Variants in ST3GAL3 observed in about 807,000 individuals in gnomAD.
The protein encoded by ST3GAL3 is ST3 beta-galactoside alpha-2,3-sialyltransferase 3, also known as CMP-N-acetylneuraminate-beta-1,4-galactoside alpha-2,3-sialyltransferase.
Under a neutral mutation model 50.1 loss-of-function variants are expected in ST3GAL3, and 21 were observed. The ratio of observed to expected loss-of-function variants is 0.42; its 90% CI spans 0.30 to 0.60. The LOEUF (loss-of-function observed/expected upper bound fraction) is 0.60. Ranked by LOEUF, ST3GAL3 falls within the 20% of genes least tolerant of loss-of-function variation. The pLI is 0.19. For synonymous variants in ST3GAL3, 183 were observed against 190.0 expected, an observed-to-expected ratio of 0.96 and a Z score of 0.30; for missense variants, 353 against 489.4, an observed-to-expected ratio of 0.72 and a Z score of 2.63.
At chr1:43,851,731 T>G in intron 5 of ST3GAL3, 1 of 1,115,752 alleles carries the variant, frequency 9.0e-7, no homozygotes, top group Non-Finnish European at 1.3e-6. Context: ...CTGGCATTGC[T>G]ATTGCATGGG....
At chr1:43,838,711 G>T in intron 5 of ST3GAL3, 1 of 274,168 alleles carries the variant, frequency 3.6e-6, no homozygotes, top group Non-Finnish European at 7.3e-6. Context: ...AATAAAGCAG[G>T]GAACAAAGAG....
chr1:43,762,552 G>A (rs1032496793), intron 2 of ST3GAL3, among the ~76,000 whole-genome samples: 5 of 152,134 alleles, frequency 3.3e-5, no homozygotes, highest in Admixed American at 6.5e-5. Flanking sequence ...TTTATCTCCT[G>A]TGAAGGTTGT....
intron 2 of ST3GAL3, among the ~76,000 whole-genome samples, chr1:43,764,411 G>A (rs918590538): frequency 3.3e-5 from 5 of 151,994 alleles, no homozygotes; most frequent in East Asian, 1.9e-4. Flanking sequence ...GTAGAGTCGC[G>A]CAACACAATA....
chr1:43,854,204 C>T (rs1430739051), intron 5 of ST3GAL3, among the ~76,000 whole-genome samples: 1 of 152,196 alleles, frequency 6.6e-6, no homozygotes, highest in Admixed American at 6.5e-5. Context: ...ATACCCCTAC[C>T]AGGAATATGC....
At chr1:43,875,643 G>A (rs1222979942) in intron 5 of ST3GAL3, among the ~76,000 whole-genome samples, 1 of 151,896 alleles carries the variant, frequency 6.6e-6, no homozygotes, top group African/African-American at 2.4e-5. Flanking sequence ...ACTCTCTCCT[G>A]CCACCTTGTG....
chr1:43,806,030 G>A (rs1368509316), intron 3 of ST3GAL3, among the ~76,000 whole-genome samples: 3 of 152,028 alleles, frequency 2.0e-5, no homozygotes, highest in African/African-American at 7.2e-5. Context: ...CACCGTGCCC[G>A]GCAAGGAATA....
At chr1:43,859,193 A>G (rs1278294409) in intron 5 of ST3GAL3, among the ~76,000 whole-genome samples, 7 of 152,182 alleles carry the variant, frequency 4.6e-5, no homozygotes, top group African/African-American at 1.2e-4. Context: ...AGCATCACGA[A>G]AAAAGGCCTG....
chr1:43,828,097 C>A (rs2063061989), intron 4 of ST3GAL3, among the ~76,000 whole-genome samples: 1 of 152,110 alleles, frequency 6.6e-6, no homozygotes, highest in Non-Finnish European at 1.5e-5. Context: ...CATAAATTGA[C>A]CCACACAAAT....
rs576566227 is a variant in ST3GAL3, at chr1:43,744,824, C to T, written c.118+8444C>T. Among the ~76,000 whole-genome samples, 3 of 151,182 alleles carry T rather than the reference C, an allele frequency of 2.0e-5. No homozygotes were observed. The East Asian group carries it at 5.9e-4, about 30-fold the overall frequency. On this transcript the variant is annotated intron_variant, in intron 2 of 11. Coordinates refer to ENST00000347631, the MANE Select transcript of ST3GAL3 (RefSeq NM_006279.5). ...TTGAGACCGTGAAACCCCATCTCTA[C>T]TAATAATAATACAAAAATTAGCTTG... is the stretch of plus-strand genomic sequence containing the variant.
chr1:43,917,713 C>T (rs1293599267), intron 9 of ST3GAL3, among the ~76,000 whole-genome samples: 12 of 129,938 alleles, frequency 9.2e-5, no homozygotes, highest in Non-Finnish European at 1.6e-4. Flanking sequence ...CTGTCATTCA[C>T]GCTGGAGTAC....
At chr1:43,763,027 T>C (rs895577678) in intron 2 of ST3GAL3, among the ~76,000 whole-genome samples, 2 of 152,208 alleles carry the variant, frequency 1.3e-5, no homozygotes, top group African/African-American at 4.8e-5. Flanking sequence ...CTTCTAGGAA[T>C]TCCCCTACTG....
At chr1:43,793,598 T>C (rs2058348058) in intron 3 of ST3GAL3, among the ~76,000 whole-genome samples, 1 of 152,220 alleles carries the variant, frequency 6.6e-6, no homozygotes, top group South Asian at 2.1e-4. Context: ...AGCATCTTTC[T>C]ATCTCATACC....
chr1:43,899,209 T>A lies in ST3GAL3; in HGVS notation c.503T>A (p.Val168Asp). 6.2e-7 allele frequency: 1 copy of A among 1,614,216 alleles called. No individual in the cohort carries two copies. The highest frequency in any genetic ancestry group is 1.6e-4 in the Middle Eastern group (1 of 6,062). ...RRCIIVGNGG[V>D]LANKSLGSRI... ...TGCATCATCGTGGGCAATGGAGGCG[T>A]TCTTGCCAACAAGTCTCTGGGGTCA... is the stretch of plus-strand genomic sequence containing the variant. Residue 168 changes from valine (V) to aspartate (D), a missense_variant, in exon 8 of 12, where the codon GTT becomes GAT. Coordinates refer to ENST00000347631, the MANE Select transcript of ST3GAL3 (RefSeq NM_006279.5). The surrounding 1 kb of genome is among the most constrained non-coding windows in gnomAD (Gnocchi z 5.4).
At chr1:43,815,694 G>A (rs1029645720) in intron 4 of ST3GAL3, among the ~76,000 whole-genome samples, 9 of 152,142 alleles carry the variant, frequency 5.9e-5, no homozygotes, top group Non-Finnish European at 1.2e-4. Context: ...TCTGTAAGAT[G>A]ATGACAATAA....
intron 9 of ST3GAL3, among the ~76,000 whole-genome samples, chr1:43,906,909 A>C (rs1225288296): frequency 2.0e-5 from 3 of 152,238 alleles, no homozygotes; most frequent in Admixed American, 2.0e-4. Flanking sequence ...TCACACAACT[A>C]GTTAAGTGGT....
chr1:43,911,659 A>G lies in ST3GAL3; in HGVS notation c.745-8745A>G, dbSNP rs533949801. Among the ~76,000 whole-genome samples the G allele has an allele frequency of 1.4e-4, 20 of 146,342 alleles. No homozygotes were observed. The East Asian group carries it at 3.9e-3, about 29-fold the overall frequency. ...TATATCTATAGATATATCTGTAGCT[A>G]TAGATATCTATAGATATAGATATAG... On this transcript the variant is annotated intron_variant, in intron 9 of 11. Transcript: ENST00000347631.
intron 9 of ST3GAL3, among the ~76,000 whole-genome samples, chr1:43,901,808 G>T (rs1368014374): frequency 6.6e-6 from 1 of 152,246 alleles, no homozygotes; most frequent in African/African-American, 2.4e-5. Flanking sequence ...GTGGGTGGGG[G>T]TGAGTGGGAA....
chr1:43,927,955 G>C (rs1220097980), intron 11 of ST3GAL3, among the ~76,000 whole-genome samples: 1 of 152,182 alleles, frequency 6.6e-6, no homozygotes, highest in Non-Finnish European at 1.5e-5. Context: ...CTTCAGGGCA[G>C]CTGGGTTTGT....
At chr1:43,810,598 G>C (rs558856990) in intron 3 of ST3GAL3, among the ~76,000 whole-genome samples, 2 of 152,194 alleles carry the variant, frequency 1.3e-5, no homozygotes, top group South Asian at 4.1e-4. Flanking sequence ...CATTTCTTCT[G>C]GTAATGCTCC....
Sources: allele counts gnomAD v4.1 joint callset (sites outside exome capture counted in the v4.1 genomes callset), GRCh38; gene constraint gnomAD v4.1.1; non-coding constraint Gnocchi (gnomAD v3.1); transcripts MANE v1.5; gene names NCBI Gene and HGNC (gene_info 2026-07-23, HGNC 2026-07-21).